AP3B1: variants seen among roughly 807,000 people sequenced by gnomAD.
AP3B1 encodes AP-3 complex subunit beta-1.
AP3B1 carries 61 observed loss-of-function variants against 132.5 expected under a neutral mutation model. That is an observed-to-expected ratio of 0.46 (90% CI 0.37 to 0.57). The LOEUF is 0.57. Among genes scored for constraint, AP3B1 ranks in the 20% least tolerant of loss-of-function variants. The pLI, the probability that AP3B1 is intolerant of heterozygous loss-of-function variation, is 0.00. For synonymous variants in AP3B1, 388 were observed against 438.3 expected, an observed-to-expected ratio of 0.89 and a Z score of 1.43; for missense variants, 1,120 against 1,289.4, an observed-to-expected ratio of 0.87 and a Z score of 2.01.
chr5:78,218,561 C>T (rs1379808869), intron 6 of AP3B1, among the ~76,000 whole-genome samples: 2 of 152,038 alleles, frequency 1.3e-5, no homozygotes, highest in Non-Finnish European at 2.9e-5. Context: ...AGTGACACCC[C>T]ATCTATGGAG....
At chr5:78,091,237 T>A (rs1196197811) in intron 21 of AP3B1, among the ~76,000 whole-genome samples, 2 of 52,310 alleles carry the variant, frequency 3.8e-5, no homozygotes, top group South Asian at 4.6e-4. Context: ...GATCCTCAAG[T>A]AACAAAACCT....
At chr5:78,254,504 T>C (rs910344369) in intron 2 of AP3B1, among the ~76,000 whole-genome samples, 1 of 152,160 alleles carries the variant, frequency 6.6e-6, no homozygotes, top group Admixed American at 6.5e-5. Context: ...AGCTCCAATA[T>C]GGTGGCAGTA....
chr5:78,034,703 T>C (rs1197635262), intron 23 of AP3B1, among the ~76,000 whole-genome samples: 1 of 151,940 alleles, frequency 6.6e-6, no homozygotes, highest in Non-Finnish European at 1.5e-5. Context: ...GAAATACATA[T>C]CTTCCTGAGA....
At chr5:78,047,851 A>G (rs914055936) in intron 22 of AP3B1, among the ~76,000 whole-genome samples, 1 of 152,212 alleles carries the variant, frequency 6.6e-6, no homozygotes, top group Non-Finnish European at 1.5e-5. Flanking sequence ...AATTGTTGCA[A>G]ATTAACTAGT....
chr5:78,110,652 A>AT (rs1381321194), intron 19 of AP3B1, among the ~76,000 whole-genome samples: 1 of 150,756 alleles, frequency 6.6e-6, no homozygotes, highest in African/African-American at 2.4e-5. Flanking sequence ...ATTTAGGCTG[A>AT]TTTTTTAAAA....
intron 22 of AP3B1, among the ~76,000 whole-genome samples, chr5:78,067,234 C>T (rs1437958500): frequency 6.6e-6 from 1 of 152,148 alleles, no homozygotes; most frequent in African/African-American, 2.4e-5. Flanking sequence ...CCTAAATATA[C>T]ACGTACCTAA....
chr5:78,098,164 G>A (rs1407409749), intron 21 of AP3B1, among the ~76,000 whole-genome samples: 6 of 151,462 alleles, frequency 4.0e-5, no homozygotes. Context: ...AGGGTCCTCT[G>A]CCTAGGAAAA....
Position 78,268,973 on chromosome 5 carries a change from G to T in AP3B1, c.129-1378C>A, listed in dbSNP as rs561461927. On this transcript the variant is annotated intron_variant, in intron 1 of 26. Coordinates refer to ENST00000255194, the MANE Select transcript of AP3B1 (RefSeq NM_003664.5). ...TTTCTTCCCAAATTCTTCTTTGCCT[G>T]TCACCAAAACAGTAAAGATTTAGGA... Among the ~76,000 whole-genome samples the T allele has an allele frequency of 2.0e-5, 3 of 152,256 alleles. No individual in the cohort carries two copies. In the East Asian group the frequency reaches 5.8e-4, roughly 29 times the overall value.
At chr5:78,212,932 C>T (rs1367748310) in intron 7 of AP3B1, among the ~76,000 whole-genome samples, 1 of 152,082 alleles carries the variant, frequency 6.6e-6, no homozygotes, top group Non-Finnish European at 1.5e-5. Context: ...GGCTGGAGTG[C>T]AGTGGTGCGA....
chr5:78,285,309 T>A (rs1370257423), intron 1 of AP3B1, among the ~76,000 whole-genome samples: 2 of 152,004 alleles, frequency 1.3e-5, no homozygotes, highest in Non-Finnish European at 2.9e-5. Context: ...AGCCCACTCA[T>A]GAGGCTTTCA....
rs1050055571 is a variant in AP3B1, at chr5:78,141,585, G to A, written c.1474-266C>T. Among the ~76,000 whole-genome samples, 4 of 152,150 alleles carry A rather than the reference G, an allele frequency of 2.6e-5. No individual in the cohort carries two copies. The South Asian group carries it at 8.3e-4, about 32-fold the overall frequency. ...GGTCTAGAATCTAGATTCTATCAGA[G>A]ACGAACAAATTCTAGAAGCCAGTCT... On this transcript the variant is annotated intron_variant, in intron 14 of 26. Coordinates refer to ENST00000255194, the MANE Select transcript of AP3B1 (RefSeq NM_003664.5).
At chr5:78,097,627 G>C (rs1353135789) in intron 21 of AP3B1, among the ~76,000 whole-genome samples, 3 of 142,528 alleles carry the variant, frequency 2.1e-5, no homozygotes, top group East Asian at 2.1e-4. Flanking sequence ...CCCCCTGCCC[G>C]GCCAGCCGCC....
rs181821375 is a variant in AP3B1, at chr5:78,203,944, T to G, written c.786+12111A>C. On this transcript the variant is annotated intron_variant, in intron 7 of 26. Transcript: ENST00000255194. ...AGTATTTCTAGTTGGTTTCTTTGCA[T>G]CATTTCTCTATACATACTGATACTC... Among the ~76,000 whole-genome samples, 230 of 152,322 alleles carry G rather than the reference T, an allele frequency of 1.5e-3. 1 individual carries two copies. The highest frequency in any genetic ancestry group is 2.6e-3 in the Non-Finnish European group (178 of 68,036).
At chr5:78,098,676 ACAATGCTG>A (rs1751002494) in intron 21 of AP3B1, among the ~76,000 whole-genome samples, 1 of 152,240 alleles carries the variant, frequency 6.6e-6, no homozygotes, top group African/African-American at 2.4e-5. Context: ...TAACCACTGA[ACAATGCTG>A]CAATGAAATT....
chr5:78,050,375 C>T (rs1374692911), intron 22 of AP3B1, among the ~76,000 whole-genome samples: 2 of 152,170 alleles, frequency 1.3e-5, no homozygotes, highest in Non-Finnish European at 2.9e-5. Context: ...TTTCTCAGAA[C>T]TCAAAGCATA....
At chr5:78,133,693 C>T (rs1752776912) in intron 15 of AP3B1, among the ~76,000 whole-genome samples, 1 of 152,120 alleles carries the variant, frequency 6.6e-6, no homozygotes, top group Non-Finnish European at 1.5e-5. Context: ...TTGTTTTATT[C>T]ACAAATTACA....
At chr5:78,055,760 T>G (rs1029533654) in intron 22 of AP3B1, among the ~76,000 whole-genome samples, 1 of 152,002 alleles carries the variant, frequency 6.6e-6, no homozygotes, top group South Asian at 2.1e-4. Context: ...CATGGAAACT[T>G]TTTTGAATGT....
At position 78,128,098 on chromosome 5, in the gene AP3B1, G is replaced by T; in HGVS notation, c.1900C>A (p.Leu634Met). ...HTLNIKATGY[L>M]ELSNWPEVAP... ...ACCTCTGGCCAATTAGATAATTCCA[G>T]GTACCCAGTAGCTTTAATGTTGAGA... Residue 634 changes from leucine to methionine, a missense_variant, in exon 17 of 27, where the codon CTG (leucine) becomes ATG (methionine). Physicochemically the swap from Leu to Met is conservative, Grantham distance 15. This residue lies in a region of AP3B1 where 906 missense variants were observed against 997.1 expected (regional missense o/e 0.91). Coordinates refer to ENST00000255194, the MANE Select transcript of AP3B1 (RefSeq NM_003664.5). 1.2e-6 allele frequency: 2 copies of T among 1,613,146 alleles called. No homozygotes were observed. Among genetic ancestry groups the T allele is most frequent in the South Asian group, 1.1e-5 (1 of 91,056 alleles).
chr5:78,234,478 TA>T (rs1331136209), intron 3 of AP3B1, among the ~76,000 whole-genome samples: 2 of 152,176 alleles, frequency 1.3e-5, no homozygotes, highest in Non-Finnish European at 2.9e-5. Flanking sequence ...CAACTAGATT[TA>T]AAGTTCCTAA....
Sources: allele counts gnomAD v4.1 joint callset (sites outside exome capture counted in the v4.1 genomes callset), GRCh38; gene constraint gnomAD v4.1.1; regional missense constraint gnomAD v4.1.1; transcripts MANE v1.5; gene names NCBI Gene and HGNC (gene_info 2026-07-23, HGNC 2026-07-21).